The following PRPF18 variants were observed in gnomAD, a reference collection of about 807,000 sequenced individuals.
PRPF18 encodes the protein pre-mRNA processing factor 18.
A neutral mutation model predicts 46.5 loss-of-function variants in PRPF18; 38 were observed. The ratio of observed to expected loss-of-function variants is 0.82; its 90% CI spans 0.63 to 1.07. PRPF18 has a LOEUF of 1.07. Ranked by LOEUF, PRPF18 falls within the 50% of genes least tolerant of loss-of-function variation. PRPF18 has a pLI of 0.00. For missense variants in PRPF18, 263 were observed against 410.0 expected (o/e 0.64, Z 3.10); for synonymous variants, 152 against 146.7 (o/e 1.04, Z -0.26).
At chr10:13,639,548 T>G in the PRPF18 span, 1 of 152,262 alleles carries the variant, frequency 6.6e-6, no homozygotes, top group Non-Finnish European at 1.5e-5. Flanking sequence ...GTTTTTGTCC[T>G]TTATAGAGTT....
At chr10:13,632,347 C>A (rs187137093), downstream of PRPF18, among the ~76,000 whole-genome samples, 127 of 151,870 alleles carry the variant, frequency 8.4e-4, 1 homozygote, top group African/African-American at 2.8e-3. Flanking sequence ...TCCCCTCCCC[C>A]CCGCAAAAAA....
At chr10:13,650,487 C>G in the PRPF18 span, among the ~76,000 whole-genome samples, 3 of 152,342 alleles carry the variant, frequency 2.0e-5, no homozygotes, top group African/African-American at 7.2e-5. Context: ...GCAGCTCTTT[C>G]AAACCTGGTT....
Position 13,630,254 on chromosome 10 carries a change from T to C in PRPF18, c.949-6T>C. On this transcript the variant is annotated splice_polypyrimidine_tract_variant and splice_region_variant and intron_variant, in intron 9 of 9. Transcript: ENST00000378572. Reference sequence around the variant, plus strand: ...TAACCAACCTTTGTTTTCCTTATTTTCTTAGGGATTGAAGAGGTTAATGAC... The same window carrying C: ...TAACCAACCTTTGTTTTCCTTATTTCCTTAGGGATTGAAGAGGTTAATGAC... 1.9e-6 allele frequency: 3 copies of C among 1,602,126 alleles called. No homozygotes were observed. The highest frequency in any genetic ancestry group is 2.6e-6 in the Non-Finnish European group (3 of 1,169,152).
chr10:13,650,228 ATAAC>A, the PRPF18 span, among the ~76,000 whole-genome samples: 1 of 152,188 alleles, frequency 6.6e-6, no homozygotes, highest in African/African-American at 2.4e-5. Context: ...TTTTAAACGT[ATAAC>A]TAACTTACAG....
At chr10:13,646,992 C>T in the PRPF18 span, 1 of 984,120 alleles carries the variant, frequency 1.0e-6, no homozygotes, top group Non-Finnish European at 1.2e-6. Flanking sequence ...TCAGCTAGTT[C>T]TGGATAGAGG....
chr10:13,623,651 A>C (rs1461233667), intron 9 of PRPF18, among the ~76,000 whole-genome samples: 6 of 151,806 alleles, frequency 4.0e-5, no homozygotes, highest in African/African-American at 1.5e-4. Context: ...TTCTAATGAT[A>C]TATTAAAGAG....
At chr10:13,620,121 A>G (rs2080401540) in intron 9 of PRPF18, among the ~76,000 whole-genome samples, 1 of 152,154 alleles carries the variant, frequency 6.6e-6, no homozygotes, top group Non-Finnish European at 1.5e-5. Flanking sequence ...AAGACAATTT[A>G]TTATGTGAAG....
chr10:13,589,206 C>A (rs940857815), intron 1 of PRPF18, among the ~76,000 whole-genome samples: 1 of 152,206 alleles, frequency 6.6e-6, no homozygotes, highest in African/African-American at 2.4e-5. Flanking sequence ...TTGAAGTGAT[C>A]TGCTCACTTT....
chr10:13,603,429 A>T (rs996415311), intron 3 of PRPF18, among the ~76,000 whole-genome samples: 15 of 152,354 alleles, frequency 9.8e-5, no homozygotes, highest in African/African-American at 3.6e-4. Context: ...AACCACTGTT[A>T]TATAATTCCA....
chr10:13,604,557 G>A (rs751518901), intron 3 of PRPF18, among the ~76,000 whole-genome samples: 1 of 152,142 alleles, frequency 6.6e-6, no homozygotes, highest in Admixed American at 6.5e-5. Context: ...TTTCATGGTG[G>A]TATTACAATG....
At chr10:13,646,998 A>T in the PRPF18 span, 2 of 982,514 alleles carry the variant, frequency 2.0e-6, no homozygotes, top group Non-Finnish European at 2.4e-6. Context: ...AGTTCTGGAT[A>T]GAGGGAGGAA....
rs542085545 is a variant in PRPF18, at chr10:13,611,523, A to T, written c.511-92A>T. ...AAGTAAAAATTGAACAGCATATGTG[A>T]CCAAGAGCCATGTTTAGACTGGTGT... On this transcript the variant is annotated intron_variant, in intron 5 of 9. Transcript: ENST00000378572. 1.6e-5 allele frequency: 17 copies of T among 1,047,728 alleles called. No homozygotes were observed. The African/African-American group carries it at 2.4e-4, about 15-fold the overall frequency. 64.9% of individuals were successfully genotyped at this position (1,047,728 alleles called of 1,614,324 possible). A position where few individuals can be genotyped will look rare whatever the true frequency, so the allele number is the denominator to read the frequency against.
At chr10:13,611,505 A>T in intron 5 of PRPF18, 110 bp from the exon 6 acceptor site, 1 of 827,686 alleles carries the variant, frequency 1.2e-6, no homozygotes, top group South Asian at 1.8e-5. Context: ...TTTAAGTAAA[A>T]ATTGAACAGC....
the PRPF18 span, chr10:13,646,856 C>T: frequency 8.8e-6 from 2 of 228,244 alleles, no homozygotes; most frequent in Non-Finnish European, 1.5e-5. Context: ...GGTGACGGTG[C>T]GTCTGGGTAA....
chr10:13,633,383 A>G (rs1480422940), downstream of PRPF18, among the ~76,000 whole-genome samples: 1 of 152,200 alleles, frequency 6.6e-6, no homozygotes, highest in African/African-American at 2.4e-5. Flanking sequence ...AGCACTTCAG[A>G]GCACTCTAGG....
intron 1 of PRPF18, chr10:13,591,579 CA>C: frequency 1.4e-6 from 1 of 695,614 alleles, no homozygotes; most frequent in Non-Finnish European, 2.6e-6. Flanking sequence ...GCTTTCTGAT[CA>C]ATCTTGTGCT....
chr10:13,611,899 A>G (rs917445277), intron 6 of PRPF18, among the ~76,000 whole-genome samples: 4 of 150,704 alleles, frequency 2.7e-5, no homozygotes, highest in African/African-American at 9.8e-5. Context: ...TTTTTTTGGA[A>G]ACAGAGTCTT....
the PRPF18 span, chr10:13,638,832 T>G: frequency 6.6e-6 from 1 of 152,148 alleles, no homozygotes; most frequent in South Asian, 2.1e-4. Context: ...TAACCAAATA[T>G]TTGGGTACCG....
At chr10:13,623,733 A>G (rs2080454174) in intron 9 of PRPF18, among the ~76,000 whole-genome samples, 1 of 152,140 alleles carries the variant, frequency 6.6e-6, no homozygotes, top group South Asian at 2.1e-4. Flanking sequence ...TAATAAAAAA[A>G]TTGCTAATCT....
Sources: gnomAD v4.1 joint callset for allele counts (sites outside exome capture counted in the v4.1 genomes callset) on GRCh38, gnomAD v4.1.1 for gene constraint, MANE v1.5 for transcripts, NCBI Gene and HGNC (gene_info 2026-07-23, HGNC 2026-07-21) for gene names.